Variants in NCKAP5 observed in about 807,000 individuals in gnomAD.
The protein encoded by NCKAP5 is NCK associated protein 5, also known as nck-associated protein 5.
Under a neutral mutation model 167.0 loss-of-function variants are expected in NCKAP5, and 92 were observed. The observed-to-expected ratio is 0.55, with a 90% CI of 0.47 to 0.66. The LOEUF (loss-of-function observed/expected upper bound fraction) is 0.66. Ranked by LOEUF, NCKAP5 falls within the 30% of genes least tolerant of loss-of-function variation. The probability of loss-of-function intolerance (pLI) is 0.00; values close to 1 mark genes in which losing one functional copy is unlikely to be tolerated. For synonymous variants in NCKAP5, 891 were observed against 877.4 expected (o/e 1.02, Z -0.27); for missense variants, 2,378 against 2,315.0 (o/e 1.03, Z -0.56).
At chr2:133,517,281 A>G (rs1460703015) in intron 3 of NCKAP5, among the ~76,000 whole-genome samples, 177 bp downstream of exon 3, 1 of 152,248 alleles carries the variant, frequency 6.6e-6, no homozygotes, top group East Asian at 1.9e-4. Flanking sequence ...AAACATTCCA[A>G]TAATTTGCTG....
Position 133,551,192 on chromosome 2 carries a change from C to T in NCKAP5, c.-62+7858G>A, listed in dbSNP as rs544094766. Among the ~76,000 whole-genome samples the T allele has an allele frequency of 3.3e-5, 5 of 152,008 alleles. No individual in the cohort carries two copies. In the East Asian group the frequency reaches 9.7e-4, roughly 29 times the overall value. On this transcript the variant is annotated intron_variant, in intron 2 of 19. Transcript: ENST00000409261. ...CCCAAGGTAATTTATAGATTCAATG[C>T]CATCCCCATCAAGCTACCAATGACT...
At chr2:133,660,936 G>A in the NCKAP5 span, among the ~76,000 whole-genome samples, 4 of 147,188 alleles carry the variant, frequency 2.7e-5, no homozygotes, top group African/African-American at 1.0e-4. Context: ...CAGTCGCCAC[G>A]CATATATTTA....
chr2:133,651,750 C>T, the NCKAP5 span, among the ~76,000 whole-genome samples: 5 of 152,250 alleles, frequency 3.3e-5, no homozygotes, highest in Non-Finnish European at 5.9e-5. Context: ...GTAGAAGCAA[C>T]TTATATATCC....
chr2:133,664,264 A>G, the NCKAP5 span, among the ~76,000 whole-genome samples: 9 of 152,270 alleles, frequency 5.9e-5, no homozygotes, highest in East Asian at 1.5e-3. Flanking sequence ...TTTTATTTCT[A>G]GAGCATAGGC....
intron 3 of NCKAP5, among the ~76,000 whole-genome samples, chr2:133,443,935 C>A (rs1192241604): frequency 6.6e-6 from 1 of 152,224 alleles, no homozygotes; most frequent in Non-Finnish European, 1.5e-5. Flanking sequence ...GGGCAACTGG[C>A]TGCTCCTAAT....
chr2:133,624,033 G>T, the NCKAP5 span, among the ~76,000 whole-genome samples: 2 of 152,090 alleles, frequency 1.3e-5, no homozygotes, highest in Non-Finnish European at 1.5e-5. Context: ...ACTCAGAAGT[G>T]GAAAACCAAA....
intron 16 of NCKAP5, among the ~76,000 whole-genome samples, chr2:132,748,003 T>C (rs1457539111): frequency 1.3e-5 from 2 of 152,192 alleles, no homozygotes; most frequent in East Asian, 1.9e-4. Context: ...GAAAGTAACA[T>C]GTTAAATGGT....
intron 11 of NCKAP5, among the ~76,000 whole-genome samples, chr2:132,807,119 G>C (rs962351997): frequency 2.0e-5 from 3 of 152,072 alleles, no homozygotes; most frequent in African/African-American, 7.2e-5. Context: ...TGGTCTATGT[G>C]CCTATTTTTA....
At chr2:132,993,982 AATTG>A (rs775686752) in intron 7 of NCKAP5, among the ~76,000 whole-genome samples, 166 bp downstream of exon 7, 18 of 152,248 alleles carry the variant, frequency 1.2e-4, no homozygotes, top group Non-Finnish European at 2.5e-4. Context: ...GAAATGAATG[AATTG>A]AATAAACGTG....
At chr2:132,675,357 A>G (rs1029290070) in intron 19 of NCKAP5, among the ~76,000 whole-genome samples, 2 of 152,238 alleles carry the variant, frequency 1.3e-5, no homozygotes, top group Admixed American at 6.5e-5. Flanking sequence ...CAGGACTGCA[A>G]TAAGTATTAG....
At chr2:133,047,788 C>A (rs992266205) in intron 6 of NCKAP5, among the ~76,000 whole-genome samples, 4 of 152,202 alleles carry the variant, frequency 2.6e-5, no homozygotes, top group African/African-American at 9.7e-5. Context: ...AACATCCATT[C>A]ACTTACACTA....
At chr2:133,526,363 A>G (rs551839402) in intron 2 of NCKAP5, among the ~76,000 whole-genome samples, 1 of 151,766 alleles carries the variant, frequency 6.6e-6, no homozygotes, top group East Asian at 1.9e-4. Flanking sequence ...TCAAATTTCA[A>G]GGAGACCTAA....
Position 133,327,632 on chromosome 2 carries a change from T to C in NCKAP5, c.70-24522A>G, listed in dbSNP as rs77627342. Among the ~76,000 whole-genome samples, 1,194 of 152,190 alleles carry C rather than the reference T, an allele frequency of 7.8e-3. 19 individuals are homozygous for C. Among genetic ancestry groups the C allele is most frequent in the South Asian group, 0.073 (351 of 4,790 alleles). Reference sequence around the variant, plus strand: ...ATGATAACCCTGTCCATCTAGGATGTAGGAAAACAGTATTTGTTAAGGTTT... The same window carrying C: ...ATGATAACCCTGTCCATCTAGGATGCAGGAAAACAGTATTTGTTAAGGTTT... On this transcript the variant is annotated intron_variant, in intron 3 of 19. Coordinates refer to ENST00000409261, the MANE Select transcript of NCKAP5 (RefSeq NM_207363.3).
chr2:132,847,662 C>T (rs577609771), intron 11 of NCKAP5, among the ~76,000 whole-genome samples: 6 of 151,362 alleles, frequency 4.0e-5, no homozygotes, highest in African/African-American at 1.5e-4. Context: ...GAACATTTTC[C>T]GTGAACACCT....
At chr2:132,898,063 C>G (rs1289324362) in intron 8 of NCKAP5, among the ~76,000 whole-genome samples, 2 of 152,232 alleles carry the variant, frequency 1.3e-5, no homozygotes, top group African/African-American at 2.4e-5. Context: ...ATTTTACCTA[C>G]AGTGGAACTT....
intron 2 of NCKAP5, among the ~76,000 whole-genome samples, chr2:133,523,323 CACAT>C (rs929136398): frequency 5.9e-5 from 9 of 151,974 alleles, no homozygotes; most frequent in African/African-American, 1.5e-4. Context: ...CACACACACA[CACAT>C]ACTCACTCAC....
At chr2:132,989,939 C>T (rs1263925494) in intron 7 of NCKAP5, among the ~76,000 whole-genome samples, 2 of 152,206 alleles carry the variant, frequency 1.3e-5, no homozygotes, top group East Asian at 3.9e-4. Flanking sequence ...ATAAGATCCA[C>T]GTTGTGTAAG....
chr2:133,159,789 C>T (rs1358904848), intron 5 of NCKAP5, among the ~76,000 whole-genome samples: 1 of 152,004 alleles, frequency 6.6e-6, no homozygotes, highest in African/African-American at 2.4e-5. Flanking sequence ...GTGACAGGCA[C>T]AAGCAAGTTG....
At chr2:132,741,654 T>G (rs891644025) in intron 16 of NCKAP5, among the ~76,000 whole-genome samples, 7 of 152,136 alleles carry the variant, frequency 4.6e-5, no homozygotes, top group African/African-American at 1.7e-4. Context: ...GGTTTGACAT[T>G]TTTCTAACTG....
Sources: gnomAD v4.1 joint callset for allele counts (sites outside exome capture counted in the v4.1 genomes callset) on GRCh38, gnomAD v4.1.1 for gene constraint, MANE v1.5 for transcripts, NCBI Gene and HGNC (gene_info 2026-07-23, HGNC 2026-07-21) for gene names.